PTPRM: variants seen among roughly 807,000 people sequenced by gnomAD.
The protein encoded by PTPRM is receptor-type tyrosine-protein phosphatase mu.
In PTPRM, 47 loss-of-function variants were observed where a neutral mutation model predicts 186.7. That is an observed-to-expected ratio of 0.25 (90% CI 0.20 to 0.32). PTPRM has a LOEUF of 0.32. PTPRM is among the 10% of genes least tolerant of loss of function. The pLI, the probability that PTPRM is intolerant of heterozygous loss-of-function variation, is 1.00. For missense variants in PTPRM, 1,494 were observed against 1,865.0 expected, an observed-to-expected ratio of 0.80 and a Z score of 3.66; for synonymous variants, 668 against 674.9, an observed-to-expected ratio of 0.99 and a Z score of 0.16.
chr18:8,052,864 T>G (rs182067103), intron 7 of PTPRM, among the ~76,000 whole-genome samples: 1 of 152,298 alleles, frequency 6.6e-6, no homozygotes. Flanking sequence ...ACTTTCTAAT[T>G]TTTGTGAATC....
At chr18:7,731,955 A>G (rs2040667794) in intron 1 of PTPRM, among the ~76,000 whole-genome samples, 1 of 152,234 alleles carries the variant, frequency 6.6e-6, no homozygotes, top group Non-Finnish European at 1.5e-5. Context: ...TGCAGAAGCA[A>G]GAAAAAATTA....
chr18:7,814,800 T>C (rs1422655082), intron 2 of PTPRM: 1 of 152,210 alleles, frequency 6.6e-6, no homozygotes, highest in Non-Finnish European at 1.5e-5. Context: ...CACACTTGTC[T>C]TAGTCATTAG....
At chr18:8,074,600 T>C (rs1235739791) in intron 8 of PTPRM, among the ~76,000 whole-genome samples, 5 of 152,140 alleles carry the variant, frequency 3.3e-5, no homozygotes, top group Admixed American at 3.3e-4. Flanking sequence ...GTAATGCTAG[T>C]GGGTATGAGG....
At chr18:8,275,515 G>T (rs2094823821) in intron 19 of PTPRM, among the ~76,000 whole-genome samples, 1 of 152,200 alleles carries the variant, frequency 6.6e-6, no homozygotes, top group Non-Finnish European at 1.5e-5. Flanking sequence ...TAGGTAAAGA[G>T]ATTTTTCTGC....
At chr18:8,107,848 A>G (rs2091591415) in intron 11 of PTPRM, among the ~76,000 whole-genome samples, 1 of 152,222 alleles carries the variant, frequency 6.6e-6, no homozygotes, top group Admixed American at 6.5e-5. Context: ...GTGTCCAGTC[A>G]GTTACTCTCA....
chr18:7,717,442 C>T (rs774716297), intron 1 of PTPRM, among the ~76,000 whole-genome samples: 22 of 152,150 alleles, frequency 1.4e-4, no homozygotes, highest in Non-Finnish European at 2.2e-4. Flanking sequence ...CCCCTTCCTG[C>T]GGAGAGCCAC....
intron 4 of PTPRM, among the ~76,000 whole-genome samples, chr18:7,925,210 G>A (rs2051101353): frequency 6.6e-6 from 1 of 152,112 alleles, no homozygotes; most frequent in Admixed American, 6.6e-5. Context: ...CTTGAGCAAG[G>A]GGTAATTTGA....
intron 1 of PTPRM, among the ~76,000 whole-genome samples, chr18:7,588,291 T>C (rs1362386517): frequency 6.6e-6 from 1 of 152,176 alleles, no homozygotes; most frequent in Non-Finnish European, 1.5e-5. Flanking sequence ...GGTCCAACTT[T>C]GTATTTAATT....
intron 1 of PTPRM, among the ~76,000 whole-genome samples, chr18:7,613,159 C>G (rs2037718983): frequency 6.6e-6 from 1 of 152,176 alleles, no homozygotes; most frequent in Non-Finnish European, 1.5e-5. Flanking sequence ...GGCTCTCAAA[C>G]TTGGGTACCT....
At chr18:8,237,925 C>G (rs1229948283) in intron 14 of PTPRM, among the ~76,000 whole-genome samples, 1 of 150,728 alleles carries the variant, frequency 6.6e-6, no homozygotes, top group Non-Finnish European at 1.5e-5. Flanking sequence ...TTCTTATCCT[C>G]ACTCCTCTGT....
chr18:8,201,194 T>C (rs1346906824), intron 14 of PTPRM, among the ~76,000 whole-genome samples: 1 of 152,174 alleles, frequency 6.6e-6, no homozygotes, highest in Non-Finnish European at 1.5e-5. Context: ...TGCGCACCTG[T>C]AGCCCCAGCT....
At chr18:8,174,698 A>T (rs1341662965) in intron 14 of PTPRM, among the ~76,000 whole-genome samples, 1 of 152,156 alleles carries the variant, frequency 6.6e-6, no homozygotes, top group African/African-American at 2.4e-5. Context: ...ACTTTTTTTA[A>T]AAAAAATCTT....
chr18:7,921,403 CAG>C (rs2050856941), intron 4 of PTPRM, among the ~76,000 whole-genome samples: 1 of 140,424 alleles, frequency 7.1e-6, no homozygotes. Flanking sequence ...TTTTTTGAGA[CAG>C]AGTCTTGCTC....
At chr18:7,793,712 C>T (rs2043458074) in intron 2 of PTPRM, among the ~76,000 whole-genome samples, 1 of 152,114 alleles carries the variant, frequency 6.6e-6, no homozygotes, top group Non-Finnish European at 1.5e-5. Flanking sequence ...GAGAGAGCTT[C>T]ATGCCCGGCC....
At chr18:8,077,633 A>AT (rs1189020953) in intron 9 of PTPRM, among the ~76,000 whole-genome samples, 6 of 152,052 alleles carry the variant, frequency 3.9e-5, no homozygotes, top group Non-Finnish European at 8.8e-5. Flanking sequence ...AGTTCATATT[A>AT]TTTTTTCTCA....
Position 8,085,522 on chromosome 18 carries a change from C to T in PTPRM, c.1552-149C>T, listed in dbSNP as rs999166338. The T allele has an allele frequency of 7.1e-5, 49 of 686,024 alleles. No individual in the cohort carries two copies. The African/African-American group carries it at 8.1e-4, about 11-fold the overall frequency. 42.5% of individuals were successfully genotyped at this position (686,024 alleles called of 1,614,324 possible). A position where few individuals can be genotyped will look rare whatever the true frequency, so the allele number is the denominator to read the frequency against. On this transcript the variant is annotated intron_variant, in intron 9 of 32. Transcript: ENST00000580170. ...AGCAGCTTTGGCGGAGTTCCTTCAT[C>T]CCTTCAGTGGATTCAGGATTTCAAG...
At chr18:7,705,739 T>G (rs2040072810) in intron 1 of PTPRM, among the ~76,000 whole-genome samples, 1 of 151,646 alleles carries the variant, frequency 6.6e-6, no homozygotes, top group Non-Finnish European at 1.5e-5. Flanking sequence ...TTCTCTTTTC[T>G]TTTGAGATGA....
At chr18:7,886,494 T>C (rs558095729) in intron 2 of PTPRM, among the ~76,000 whole-genome samples, 5 of 152,330 alleles carry the variant, frequency 3.3e-5, no homozygotes, top group African/African-American at 1.2e-4. Context: ...ATAACATTCA[T>C]TGCTTGAAAA....
At chr18:7,703,986 C>T (rs768630324) in intron 1 of PTPRM, among the ~76,000 whole-genome samples, 5 of 152,038 alleles carry the variant, frequency 3.3e-5, no homozygotes, top group African/African-American at 9.7e-5. Context: ...TATGGATTTA[C>T]GTATGTTGAA....
Sources: allele counts gnomAD v4.1 joint callset (sites outside exome capture counted in the v4.1 genomes callset), GRCh38; gene constraint gnomAD v4.1.1; transcripts MANE v1.5; gene names NCBI Gene and HGNC (gene_info 2026-07-23, HGNC 2026-07-21).